Variants in IFIT3 observed in about 807,000 individuals in gnomAD.
IFIT3 encodes interferon induced protein with tetratricopeptide repeats 3, also known as interferon-induced protein with tetratricopeptide repeats 3.
In IFIT3, 2 loss-of-function variants were observed where a neutral mutation model predicts 2.4. That is an observed-to-expected ratio of 0.82 (90% CI 0.34 to 2.60). The LOEUF is 2.60. Among genes scored for constraint, IFIT3 ranks in the 30% most tolerant of loss-of-function variants. The probability of loss-of-function intolerance (pLI) is 0.11; values close to 1 mark genes in which losing one functional copy is unlikely to be tolerated. For missense variants in IFIT3, 481 were observed against 562.4 expected (o/e 0.86, Z 1.46); for synonymous variants, 203 against 212.1 (o/e 0.96, Z 0.37).
chr10:89,334,459 T>A (rs1303552834), intron 1 of IFIT3, among the ~76,000 whole-genome samples: 1 of 149,744 alleles, frequency 6.7e-6, no homozygotes, highest in Non-Finnish European at 1.5e-5. Flanking sequence ...ATTCTGTTTT[T>A]TCTTCTTTTT....
At chr10:89,338,573 C>A in intron 1 of IFIT3, 88 bp from the exon 2 acceptor site, 1 of 1,274,982 alleles carries the variant, frequency 7.8e-7, no homozygotes, top group Non-Finnish European at 1.1e-6. Context: ...ATCCTGTGGC[C>A]CAGTTCAATT....
In IFIT3 at chr10:89,336,478, A is replaced by G. The variant is rs1843742345; in HGVS notation, c.6-2183A>G. On this transcript the variant is annotated intron_variant, in intron 1 of 1. Coordinates refer to ENST00000371818, the MANE Select transcript of IFIT3 (RefSeq NM_001549.6). ...TATTGGGCCAAAAATGGTTTAGATCAGCATTACTGGAGAGACAGACAGGAA... is the reference window on the plus strand; with the variant it reads ...TATTGGGCCAAAAATGGTTTAGATCGGCATTACTGGAGAGACAGACAGGAA... Among the ~76,000 whole-genome samples, 3 of 152,212 alleles carry G rather than the reference A, an allele frequency of 2.0e-5. No individual in the cohort carries two copies. In the South Asian group the frequency reaches 6.2e-4, roughly 32 times the overall value.
rs1843746505 is a variant in IFIT3 at position 89,336,721 on chromosome 10, G to A, written c.6-1940G>A. Reference sequence around the variant, plus strand: ...AGAATAGATGGTTGGTATCTTTTCAGATACATTAGCAGCCCTATTTGGTTC... The same window carrying A: ...AGAATAGATGGTTGGTATCTTTTCAAATACATTAGCAGCCCTATTTGGTTC... On this transcript the variant is annotated intron_variant, in intron 1 of 1. Transcript: ENST00000371818. Among the ~76,000 whole-genome samples, 3 of 152,180 alleles carry A rather than the reference G, an allele frequency of 2.0e-5. No homozygotes were observed. In the South Asian group the frequency reaches 6.2e-4, roughly 32 times the overall value.
chr10:89,328,685 A>G (rs2133538429), intron 1 of IFIT3, among the ~76,000 whole-genome samples: 1 of 152,320 alleles, frequency 6.6e-6, no homozygotes, highest in African/African-American at 2.4e-5. Context: ...TTTCTTATAT[A>G]AAAACAAACC....
rs1238589097 is a variant in IFIT3, at chr10:89,340,642, C to G, written c.*514C>G. On this transcript the variant is annotated 3_prime_UTR_variant, in exon 2 of 2. Transcript: ENST00000371818. ...GTTACATAGTCCGAAGGTCTTACAACTAATCACTGGTAGCAATAAATGCTT... is the reference window on the plus strand; with the variant it reads ...GTTACATAGTCCGAAGGTCTTACAAGTAATCACTGGTAGCAATAAATGCTT... 1.3e-5 allele frequency: 2 copies of G among 148,822 alleles called. No individual in the cohort carries two copies. The highest frequency in any genetic ancestry group is 2.5e-5 in the African/African-American group (1 of 40,512). 9.2% of individuals were successfully genotyped at this position (148,822 alleles called of 1,614,324 possible). A position where few individuals can be genotyped will look rare whatever the true frequency, so the allele number is the denominator to read the frequency against.
chr10:89,337,893 G>C (rs1442254215), intron 1 of IFIT3, among the ~76,000 whole-genome samples: 1 of 152,134 alleles, frequency 6.6e-6, no homozygotes, highest in Non-Finnish European at 1.5e-5. Flanking sequence ...CCTTGTGATG[G>C]TACAAAAGTG....
At position 89,340,324 on chromosome 10, in the gene IFIT3, C is replaced by CTTTTTTAAT; in HGVS notation, c.*196_*197insTTTTTTAAT. 1 of 477,514 alleles carries CTTTTTTAAT rather than the reference C, an allele frequency of 2.1e-6. No individual in the cohort carries two copies. Among genetic ancestry groups the CTTTTTTAAT allele is most frequent in the Non-Finnish European group, 3.7e-6 (1 of 272,672 alleles). The allele number at this position is 477,514 out of a possible 1,614,324, so 29.6% of individuals were successfully genotyped here. Reference sequence around the variant, plus strand: ...CTGTAATCCCAGCACTTTGGGAGGCCGAGGTGGGCGGATCACGAGGTCTGG... The same window carrying CTTTTTTAAT: ...CTGTAATCCCAGCACTTTGGGAGGCCTTTTTTAATGAGGTGGGCGGATCACGAGGTCTGG... On this transcript the variant is annotated 3_prime_UTR_variant, in exon 2 of 2. Transcript: ENST00000371818.
chr10:89,331,638 TG>T (rs1391979036), intron 1 of IFIT3, among the ~76,000 whole-genome samples: 1 of 151,850 alleles, frequency 6.6e-6, no homozygotes, highest in Non-Finnish European at 1.5e-5. Context: ...GGAGGGCAGA[TG>T]CTTGAGCTCA....
intron 1 of IFIT3, among the ~76,000 whole-genome samples, chr10:89,331,105 T>C (rs1436975875): frequency 6.6e-6 from 1 of 152,174 alleles, no homozygotes; most frequent in African/African-American, 2.4e-5. Context: ...AAATGAGGAC[T>C]GTTTACATAG....
chr10:89,337,014 G>T (rs1843752633), intron 1 of IFIT3, among the ~76,000 whole-genome samples: 1 of 152,218 alleles, frequency 6.6e-6, no homozygotes, highest in South Asian at 2.1e-4. Context: ...AAACAAAAAT[G>T]AGTCCATTTT....
chr10:89,332,793 G>A (rs552975124), intron 1 of IFIT3, among the ~76,000 whole-genome samples: 5 of 152,292 alleles, frequency 3.3e-5, no homozygotes, highest in African/African-American at 1.2e-4. Context: ...TCTTTGTGAT[G>A]TATAGAGTTA....
rs778196760 is a variant in IFIT3 at position 89,338,795 on chromosome 10, C to G, written c.140C>G (p.Thr47Ser). 1.9e-6 allele frequency: 3 copies of G among 1,614,118 alleles called. No individual in the cohort carries two copies. Among genetic ancestry groups the G allele is most frequent in the South Asian group, 1.1e-5 (1 of 91,080 alleles). The change falls in exon 2 of 2, where the codon ACT (threonine) becomes AGT (serine). Residue 47 changes from threonine to serine, a missense_variant. Transcript: ENST00000371818. ...RVCNQIEFLN[T>S]EFKATMYNLL... is the part of the protein sequence containing the mutation. ...TGTAACCAGATTGAATTTTTAAACA[C>G]TGAGTTCAAAGCTACAATGTACAAC... is the stretch of plus-strand genomic sequence containing the variant.
At chr10:89,328,211 T>C in intron 1 of IFIT3, 133 bp downstream of exon 1, 1 of 946,070 alleles carries the variant, frequency 1.1e-6, no homozygotes, top group Non-Finnish European at 1.6e-6. Flanking sequence ...AGTCTGAGCA[T>C]TTGTAAGATG....
At chr10:89,332,090 G>A (rs1401394367) in intron 1 of IFIT3, among the ~76,000 whole-genome samples, 1 of 152,120 alleles carries the variant, frequency 6.6e-6, no homozygotes, top group African/African-American at 2.4e-5. Flanking sequence ...AATTATCCAG[G>A]CATGGTGGTG....
intron 1 of IFIT3, chr10:89,332,554 G>A (rs1241441787): frequency 3.7e-6 from 6 of 1,613,542 alleles, no homozygotes; most frequent in Non-Finnish European, 5.1e-6. Flanking sequence ...GCATTTGCTT[G>A]GAATCAGTAA....
At chr10:89,336,296 C>T (rs1005316627) in intron 1 of IFIT3, among the ~76,000 whole-genome samples, 2 of 152,064 alleles carry the variant, frequency 1.3e-5, no homozygotes, top group Non-Finnish European at 2.9e-5. Flanking sequence ...GACACTGGAA[C>T]CCTAGACAGG....
chr10:89,339,067 C>T lies in IFIT3; in HGVS notation c.412C>T (p.Leu138Phe). ...SNPYSIEYSE[L>F]DCEEGWTQLK... Reference sequence around the variant, plus strand: ...TCCATACAGTATTGAGTATTCTGAACTTGACTGTGAGGAAGGGTGGACACA... The same window carrying T: ...TCCATACAGTATTGAGTATTCTGAATTTGACTGTGAGGAAGGGTGGACACA... The change falls in exon 2 of 2, where the codon CTT becomes TTT. Residue 138 changes from leucine (L) to phenylalanine (F), a missense_variant. By Grantham distance (22) the Leu-to-Phe change is conservative. Coordinates refer to ENST00000371818, the MANE Select transcript of IFIT3 (RefSeq NM_001549.6). The T allele has an allele frequency of 3.1e-6, 5 of 1,614,036 alleles. No individual in the cohort carries two copies. Among genetic ancestry groups the T allele is most frequent in the Non-Finnish European group, 3.4e-6 (4 of 1,180,006 alleles).
intron 1 of IFIT3, among the ~76,000 whole-genome samples, chr10:89,329,994 C>G (rs974148898): frequency 1.3e-5 from 2 of 152,104 alleles, no homozygotes; most frequent in Admixed American, 1.3e-4. Context: ...AGTAGGGGAG[C>G]TTTTGAGCCA....
chr10:89,337,052 G>T (rs1440318791), intron 1 of IFIT3, among the ~76,000 whole-genome samples: 2 of 152,182 alleles, frequency 1.3e-5, no homozygotes, highest in Non-Finnish European at 2.9e-5. Flanking sequence ...AATTCATTCT[G>T]TCTGGGAATC....
Sources: allele counts gnomAD v4.1 joint callset (sites outside exome capture counted in the v4.1 genomes callset), GRCh38; gene constraint gnomAD v4.1.1; transcripts MANE v1.5; gene names NCBI Gene and HGNC (gene_info 2026-07-23, HGNC 2026-07-21).